Variants in NPLOC4 observed in about 807,000 individuals in gnomAD.
NPLOC4 encodes nuclear protein localization protein 4 homolog.
In NPLOC4, 18 loss-of-function variants were observed where a neutral mutation model predicts 80.6. The observed-to-expected ratio is 0.22, with a 90% confidence interval of 0.15 to 0.33. The LOEUF (loss-of-function observed/expected upper bound fraction) is 0.33, where lower values mean the gene tolerates loss of function less well. Ranked by LOEUF, NPLOC4 falls within the 10% of genes least tolerant of loss-of-function variation. The probability of loss-of-function intolerance (pLI) is 1.00; values close to 1 mark genes in which losing one functional copy is unlikely to be tolerated. For missense variants in NPLOC4, 540 were observed against 786.1 expected, an observed-to-expected ratio of 0.69 and a Z score of 3.74; for synonymous variants, 313 against 301.5, an observed-to-expected ratio of 1.04 and a Z score of -0.39.
chr17:81,626,712 C>T lies in NPLOC4; in HGVS notation c.96+3013G>A, dbSNP rs553912796. 6.6e-5 allele frequency among the ~76,000 whole-genome samples: 10 copies of T among 152,162 alleles called. No homozygotes were observed. The South Asian group carries it at 8.3e-4, about 13-fold the overall frequency. ...AGCTAGGAAGCTCACGTGGGAGGAT[C>T]GTTTGAGCCCGGGAAGTCAAGGCTG... On this transcript the variant is annotated intron_variant, in intron 2 of 16. Coordinates refer to ENST00000331134, the MANE Select transcript of NPLOC4 (RefSeq NM_017921.4).
chr17:81,610,173 C>G (rs564674950), intron 5 of NPLOC4, 37 bp downstream of exon 5: 65 of 1,553,820 alleles, frequency 4.2e-5, no homozygotes, highest in Non-Finnish European at 5.1e-5. Context: ...CGCAGCCCCC[C>G]ACACTGGCCC....
chr17:81,603,994 G>A (rs748997634), intron 8 of NPLOC4, among the ~76,000 whole-genome samples: 4 of 151,954 alleles, frequency 2.6e-5, no homozygotes, highest in African/African-American at 4.8e-5. Context: ...TAATCATACC[G>A]AGAGGGCCTT....
intron 8 of NPLOC4, among the ~76,000 whole-genome samples, chr17:81,603,229 A>G (rs1366573946): frequency 1.3e-5 from 2 of 152,198 alleles, no homozygotes; most frequent in African/African-American, 2.4e-5. Context: ...AAGCAGGGTA[A>G]AAGGAAATGA....
intron 13 of NPLOC4, among the ~76,000 whole-genome samples, chr17:81,570,482 G>A (rs996428648): frequency 2.0e-5 from 3 of 152,212 alleles, no homozygotes; most frequent in Non-Finnish European, 4.4e-5. Flanking sequence ...ACGTGCTAGT[G>A]AGTGAGCTAG....
chr17:81,575,869 T>C (rs1014258588), intron 12 of NPLOC4, among the ~76,000 whole-genome samples: 47 of 152,254 alleles, frequency 3.1e-4, no homozygotes, highest in African/African-American at 1.1e-3. Flanking sequence ...TCAGAATCTC[T>C]TCTGTCGATG....
At chr17:81,629,988 A>C in intron 1 of NPLOC4, 183 bp from the exon 2 acceptor site, 1 of 557,576 alleles carries the variant, frequency 1.8e-6, no homozygotes, top group Admixed American at 3.3e-5. Context: ...GAGATTCATC[A>C]ACATATGGGG....
At chr17:81,620,017 T>C (rs2035622723) in intron 3 of NPLOC4, among the ~76,000 whole-genome samples, 1 of 152,080 alleles carries the variant, frequency 6.6e-6, no homozygotes, top group African/African-American at 2.4e-5. Flanking sequence ...GTCTTGTGAA[T>C]GTGAAATCAG....
chr17:81,596,870 T>C (rs1014585133), intron 10 of NPLOC4, among the ~76,000 whole-genome samples: 1 of 151,948 alleles, frequency 6.6e-6, no homozygotes, highest in African/African-American at 2.4e-5. Flanking sequence ...ATCCCAGCAC[T>C]CTGGGAGGCC....
rs931616893 is a variant in NPLOC4 at position 81,567,665 on chromosome 17, C to G, written c.1450-132G>C. ...GACACCTCTCCCTCTGCCTCTGCAA[C>G]CACGAACAGGGTCCAAGAAAGAGGA... On this transcript the variant is annotated intron_variant, in intron 14 of 16. Coordinates refer to ENST00000331134, the MANE Select transcript of NPLOC4 (RefSeq NM_017921.4). The surrounding 1 kb of genome is among the most constrained non-coding windows in gnomAD (Gnocchi z 4.5). 22 of 627,638 alleles carry G rather than the reference C, an allele frequency of 3.5e-5. No homozygotes were observed. Among genetic ancestry groups the G allele is most frequent in the Non-Finnish European group, 5.8e-5 (20 of 346,686 alleles). The allele number at this position is 627,638 out of a possible 1,614,324, so 38.9% of individuals were successfully genotyped here.
At chr17:81,596,300 A>G (rs1598647904) in intron 10 of NPLOC4, 58 bp from the exon 11 acceptor site, 17 of 1,554,726 alleles carry the variant, frequency 1.1e-5, no homozygotes, top group Non-Finnish European at 1.4e-5. Flanking sequence ...ATATACTTCT[A>G]TTTCTTCTTT....
intron 1 of NPLOC4, among the ~76,000 whole-genome samples, chr17:81,633,608 C>T (rs956599026): frequency 2.0e-5 from 3 of 152,206 alleles, no homozygotes; most frequent in Admixed American, 1.3e-4. Context: ...AACACACAGC[C>T]TCTTGGTAAC....
chr17:81,570,185 C>T (rs886343145), intron 13 of NPLOC4, among the ~76,000 whole-genome samples: 4 of 152,218 alleles, frequency 2.6e-5, no homozygotes, highest in Admixed American at 1.3e-4. Context: ...GGGCAAGCGG[C>T]GGGGTGGGTC....
chr17:81,613,589 A>G (rs1176377584), intron 3 of NPLOC4, 95 bp from the exon 4 acceptor site: 5 of 1,111,944 alleles, frequency 4.5e-6, no homozygotes, highest in Non-Finnish European at 6.4e-6. Flanking sequence ...AATGCCAACC[A>G]CCCCTGTAGG....
intron 10 of NPLOC4, 130 bp from the exon 11 acceptor site, chr17:81,596,372 TG>T: frequency 9.3e-7 from 1 of 1,069,710 alleles, no homozygotes; most frequent in South Asian, 1.7e-5. Context: ...CTTTGAGAGG[TG>T]GAGGCGGGAG....
chr17:81,636,984 C>T lies in NPLOC4; in HGVS notation c.-54G>A. The T allele has an allele frequency of 2.5e-6, 3 of 1,185,884 alleles. No individual in the cohort carries two copies. The highest frequency in any genetic ancestry group is 6.5e-4 in the Middle Eastern group (2 of 3,080). The allele number at this position is 1,185,884 out of a possible 1,614,324, so 73.5% of individuals were successfully genotyped here. ...CCCCGGGCCGCCGCCGCCTGCCGCC[C>T]CAAGGGCCTCGCAGACCCGGCCGCG... On this transcript the variant is annotated 5_prime_UTR_variant, in exon 1 of 17. Transcript: ENST00000331134.
Position 81,613,393 on chromosome 17 carries a change from T to C in NPLOC4, c.311A>G (p.Asn104Ser), listed in dbSNP as rs553100027. 8.6e-4 allele frequency: 1,392 copies of C among 1,613,922 alleles called. 24 individuals carry two copies. In the South Asian group the frequency reaches 0.014, roughly 16 times the overall value. Residue 104 changes from asparagine to serine, a missense_variant, in exon 4 of 17, where the codon AAC (asparagine) becomes AGC (serine). By Grantham distance (46) the Asn-to-Ser change is conservative (BLOSUM62 1). Transcript: ENST00000331134. ...PPGFKVFGAP[N>S]VVEDEIDQYL... ...CTGATCAATCTCATCCTCCACCACG[T>C]TGGGAGCGCCAAAGACTTTGAAGCC...
chr17:81,631,888 C>T (rs1012192920), intron 1 of NPLOC4, among the ~76,000 whole-genome samples: 2 of 151,982 alleles, frequency 1.3e-5, no homozygotes, highest in Non-Finnish European at 2.9e-5. Flanking sequence ...CAACCTCTGC[C>T]TCTTGAGTTC....
At chr17:81,633,231 T>C (rs1427064157) in intron 1 of NPLOC4, among the ~76,000 whole-genome samples, 1 of 152,012 alleles carries the variant, frequency 6.6e-6, no homozygotes, top group African/African-American at 2.4e-5. Context: ...TCACAATATA[T>C]AGCATTAGGT....
intron 3 of NPLOC4, among the ~76,000 whole-genome samples, chr17:81,620,225 C>T (rs755381263): frequency 7.2e-5 from 11 of 152,152 alleles, no homozygotes; most frequent in Non-Finnish European, 1.6e-4. Context: ...GAGCCAGGCA[C>T]GGTGGCTCAC....
Sources: gnomAD v4.1 joint callset for allele counts (sites outside exome capture counted in the v4.1 genomes callset) on GRCh38, gnomAD v4.1.1 for gene constraint, Gnocchi (gnomAD v3.1) non-coding constraint, MANE v1.5 for transcripts, NCBI Gene and HGNC (gene_info 2026-07-23, HGNC 2026-07-21) for gene names.